The following PAK5 variants were observed in gnomAD, a reference collection of about 807,000 sequenced individuals.
PAK5 encodes the protein serine/threonine-protein kinase PAK 5.
Under a neutral mutation model 65.9 loss-of-function variants are expected in PAK5, and 16 were observed. The ratio of observed to expected loss-of-function variants is 0.24; its 90% CI spans 0.16 to 0.37. The LOEUF is 0.37. PAK5 is among the 10% of genes least tolerant of loss of function. PAK5 has a pLI of 1.00. For missense variants in PAK5, 785 were observed against 903.9 expected (o/e 0.87, Z 1.69); for synonymous variants, 371 against 354.9 (o/e 1.05, Z -0.51).
intron 3 of PAK5, among the ~76,000 whole-genome samples, chr20:9,636,881 C>G (rs1345843415): frequency 6.6e-6 from 1 of 152,096 alleles, no homozygotes; most frequent in Non-Finnish European, 1.5e-5. Flanking sequence ...ATATAAGTTC[C>G]AAGATAGTGG....
chr20:9,658,319 T>A lies in PAK5; in HGVS notation c.-11-13980A>T, dbSNP rs531164800. Among the ~76,000 whole-genome samples the A allele has an allele frequency of 9.4e-4, 143 of 152,282 alleles. 1 individual carries two copies. Among genetic ancestry groups the A allele is most frequent in the Non-Finnish European group, 4.3e-4 (29 of 68,020 alleles). On this transcript the variant is annotated intron_variant, in intron 2 of 9. Transcript: ENST00000353224. ...CTGTGTTTATTCATATATTCTGTGG[T>A]CAGCTATGGGTTGTCTGGAAACTGA...
intron 3 of PAK5, among the ~76,000 whole-genome samples, chr20:9,603,691 C>A (rs1487254574): frequency 1.3e-5 from 2 of 152,180 alleles, no homozygotes; most frequent in Non-Finnish European, 2.9e-5. Context: ...TTACAGATAA[C>A]ATTAGAGTGC....
At chr20:9,681,398 C>A (rs1042719536) in intron 2 of PAK5, among the ~76,000 whole-genome samples, 3 of 152,064 alleles carry the variant, frequency 2.0e-5, no homozygotes, top group African/African-American at 4.8e-5. Context: ...GTAATATAGA[C>A]GGGTTAAAAT....
intron 1 of PAK5, among the ~76,000 whole-genome samples, chr20:9,763,489 C>T (rs1868984534): frequency 2.6e-5 from 4 of 151,956 alleles, no homozygotes; most frequent in African/African-American, 4.8e-5. Flanking sequence ...CTAACTGATA[C>T]AGACACATAT....
At chr20:9,604,028 C>T (rs939428418) in intron 3 of PAK5, among the ~76,000 whole-genome samples, 1 of 152,214 alleles carries the variant, frequency 6.6e-6, no homozygotes, top group Non-Finnish European at 1.5e-5. Context: ...GATCACCACA[C>T]CACAAATTAT....
intron 1 of PAK5, among the ~76,000 whole-genome samples, chr20:9,821,932 G>C (rs763328033): frequency 2.0e-5 from 3 of 152,068 alleles, no homozygotes; most frequent in Non-Finnish European, 4.4e-5. Flanking sequence ...AACATTTTTG[G>C]GGATATAGAG....
At chr20:9,573,531 T>C (rs1050784007) in intron 4 of PAK5, among the ~76,000 whole-genome samples, 6 of 152,218 alleles carry the variant, frequency 3.9e-5, no homozygotes, top group Admixed American at 3.9e-4. Flanking sequence ...TTAATCTGAA[T>C]TTGGCAGTGT....
intron 1 of PAK5, among the ~76,000 whole-genome samples, chr20:9,726,424 T>C (rs1429618764): frequency 6.6e-6 from 1 of 152,184 alleles, no homozygotes; most frequent in African/African-American, 2.4e-5. Flanking sequence ...AGCAGCTCTG[T>C]CTGTATTTGT....
chr20:9,691,047 A>G (rs886483475), intron 2 of PAK5, among the ~76,000 whole-genome samples: 24 of 151,866 alleles, frequency 1.6e-4, no homozygotes, highest in Non-Finnish European at 2.9e-4. Flanking sequence ...GAGCCATGGT[A>G]CCCAGCCTTC....
chr20:9,597,718 G>A (rs1325778647), intron 3 of PAK5, among the ~76,000 whole-genome samples: 2 of 152,194 alleles, frequency 1.3e-5, no homozygotes, highest in East Asian at 3.9e-4. Context: ...CGTTTCTAGA[G>A]GCTGTGCAGC....
intron 4 of PAK5, among the ~76,000 whole-genome samples, chr20:9,573,168 T>G (rs1024867348): frequency 1.3e-5 from 2 of 152,016 alleles, no homozygotes; most frequent in African/African-American, 4.8e-5. Flanking sequence ...TTGTATACCA[T>G]ATAAATTAAT....
At chr20:9,646,205 C>T (rs1465379024) in intron 2 of PAK5, among the ~76,000 whole-genome samples, 1 of 152,214 alleles carries the variant, frequency 6.6e-6, no homozygotes, top group African/African-American at 2.4e-5. Flanking sequence ...CTTTTAAACA[C>T]TTGTCCCTGT....
At chr20:9,687,449 A>T (rs2047734349) in intron 2 of PAK5, among the ~76,000 whole-genome samples, 1 of 152,046 alleles carries the variant, frequency 6.6e-6, no homozygotes, top group African/African-American at 2.4e-5. Context: ...ACTGGATTTT[A>T]TTCTAAAACT....
chr20:9,752,567 T>A (rs1303543817), intron 1 of PAK5, among the ~76,000 whole-genome samples: 11 of 152,092 alleles, frequency 7.2e-5, no homozygotes, highest in Non-Finnish European at 1.6e-4. Context: ...ATCCTATTAC[T>A]CTGATTTGAT....
intron 1 of PAK5, among the ~76,000 whole-genome samples, chr20:9,796,920 G>A: frequency 6.6e-6 from 1 of 152,068 alleles, no homozygotes; most frequent in Non-Finnish European, 1.5e-5. Flanking sequence ...TGGGATGGCT[G>A]GGTCAAATGG....
chr20:9,788,511 A>G (rs1267804906), intron 1 of PAK5, among the ~76,000 whole-genome samples: 2 of 152,136 alleles, frequency 1.3e-5, no homozygotes, highest in Non-Finnish European at 2.9e-5. Context: ...GAAGCCCTAC[A>G]GTGTTAGAAC....
Position 9,809,583 on chromosome 20 carries a change from A to G in PAK5, c.-162+29179T>C, listed in dbSNP as rs111876289. On this transcript the variant is annotated intron_variant, in intron 1 of 9. Coordinates refer to ENST00000353224, the MANE Select transcript of PAK5 (RefSeq NM_177990.4). ...TAAGCACCACTCCTTCAAAACTCTG[A>G]GCTCAGGAGCTCTTTGTGCTGTCAT... 7.9e-5 allele frequency among the ~76,000 whole-genome samples: 12 copies of G among 152,218 alleles called. 1 individual carries two copies. Among genetic ancestry groups the G allele is most frequent in the African/African-American group, 2.6e-4 (11 of 41,546 alleles).
intron 1 of PAK5, among the ~76,000 whole-genome samples, chr20:9,794,220 A>C (rs2049081105): frequency 6.6e-6 from 1 of 152,032 alleles, no homozygotes; most frequent in Admixed American, 6.6e-5. Flanking sequence ...ACAGATACCT[A>C]ATGCATGTGG....
At chr20:9,743,355 T>C (rs541566357) in intron 1 of PAK5, among the ~76,000 whole-genome samples, 1 of 150,994 alleles carries the variant, frequency 6.6e-6, no homozygotes, top group South Asian at 2.1e-4. Context: ...GGGTGACAGA[T>C]AGAGCAAGAC....
Sources: allele counts gnomAD v4.1 joint callset (sites outside exome capture counted in the v4.1 genomes callset), GRCh38; gene constraint gnomAD v4.1.1; transcripts MANE v1.5; gene names NCBI Gene and HGNC (gene_info 2026-07-23, HGNC 2026-07-21).